LGSN: variants seen among roughly 807,000 people sequenced by gnomAD.
LGSN encodes lengsin, lens protein with glutamine synthetase domain.
LGSN carries 21 observed loss-of-function variants against 19.5 expected under a neutral mutation model. The observed-to-expected ratio is 1.07, with a 90% CI of 0.76 to 1.55. The LOEUF is 1.55. LGSN is among the 40% of genes most tolerant of loss of function. The pLI, the probability that LGSN is intolerant of heterozygous loss-of-function variation, is 0.00. For synonymous variants in LGSN, 257 were observed against 215.6 expected (o/e 1.19, Z -1.68); for missense variants, 673 against 608.5 (o/e 1.11, Z -1.12).
At chr6:63,549,283 C>T in the LGSN span, 1 of 753,312 alleles carries the variant, frequency 1.3e-6, no homozygotes. Flanking sequence ...TCAGGAGGCA[C>T]TTTCAGCCAC....
chr6:63,463,265 T>C, the LGSN span, among the ~76,000 whole-genome samples: 4 of 152,230 alleles, frequency 2.6e-5, no homozygotes, highest in Admixed American at 2.6e-4. Context: ...GTACCTGACA[T>C]GTATAAAGAA....
chr6:63,438,387 T>C, the LGSN span, among the ~76,000 whole-genome samples: 5 of 152,204 alleles, frequency 3.3e-5, no homozygotes, highest in East Asian at 1.9e-4. Flanking sequence ...TTCTGCACAG[T>C]AAAAGAAACT....
chr6:63,389,189 A>G, the LGSN span, among the ~76,000 whole-genome samples: 1 of 152,250 alleles, frequency 6.6e-6, no homozygotes, highest in African/African-American at 2.4e-5. Context: ...GCTCAGAGTC[A>G]CACAGAAAGT....
the LGSN span, among the ~76,000 whole-genome samples, chr6:63,564,903 TA>T: frequency 6.6e-6 from 1 of 152,244 alleles, no homozygotes; most frequent in South Asian, 2.1e-4. Context: ...AGTCATGAGT[TA>T]TGGATAGATT....
the LGSN span, among the ~76,000 whole-genome samples, chr6:63,427,201 C>T: frequency 6.6e-6 from 1 of 151,906 alleles, no homozygotes; most frequent in Non-Finnish European, 1.5e-5. Context: ...TGTGCCACCA[C>T]ACCTGGCTAA....
the LGSN span, among the ~76,000 whole-genome samples, chr6:63,511,241 G>T: frequency 3.1e-3 from 444 of 141,484 alleles, 3 homozygotes; most frequent in Middle Eastern, 0.011. Flanking sequence ...CAAGTAAATA[G>T]ATTTCTTTTT....
intron 1 of LGSN, among the ~76,000 whole-genome samples, chr6:63,300,182 T>TAA (rs1768128666): frequency 6.6e-6 from 1 of 152,182 alleles, no homozygotes; most frequent in Admixed American, 6.5e-5. Flanking sequence ...TGAGAGGGGT[T>TAA]GGATCCTCCA....
chr6:63,399,720 G>A, the LGSN span, among the ~76,000 whole-genome samples: 2 of 141,834 alleles, frequency 1.4e-5, no homozygotes, highest in South Asian at 2.3e-4. Context: ...TTTAGTGATG[G>A]AATCTCTCCC....
chr6:63,375,410 T>G, the LGSN span, among the ~76,000 whole-genome samples: 195 of 151,058 alleles, frequency 1.3e-3, no homozygotes, highest in African/African-American at 4.6e-3. Context: ...TATTTATATT[T>G]ATATTATTAT....
At chr6:63,495,469 T>TTTTTTTTTTTTTTTTTTTTTTTTTG in the LGSN span, among the ~76,000 whole-genome samples, 698 of 119,244 alleles carry the variant, frequency 5.9e-3, 4 homozygotes, top group Non-Finnish European at 8.0e-3. Flanking sequence ...TTTTTTTTTT[T>TTTTTTTTTTTTTTTTTTTTTTTTTG]TTTTTTTGAG....
the LGSN span, among the ~76,000 whole-genome samples, chr6:63,504,354 G>A: frequency 6.6e-6 from 1 of 151,758 alleles, no homozygotes; most frequent in Non-Finnish European, 1.5e-5. Context: ...CCATTCTCCT[G>A]CCTCAGCCTC....
the LGSN span, among the ~76,000 whole-genome samples, chr6:63,541,603 G>A: frequency 1.3e-5 from 2 of 152,050 alleles, no homozygotes; most frequent in Non-Finnish European, 2.9e-5. Flanking sequence ...CAGATTTTAG[G>A]ACTGATATTT....
chr6:63,347,917 C>A, the LGSN span, among the ~76,000 whole-genome samples: 2 of 151,932 alleles, frequency 1.3e-5, no homozygotes, highest in Non-Finnish European at 2.9e-5. Context: ...GGGAAATATT[C>A]CTAATATTAG....
At chr6:63,415,810 T>C in the LGSN span, among the ~76,000 whole-genome samples, 1 of 152,224 alleles carries the variant, frequency 6.6e-6, no homozygotes, top group Non-Finnish European at 1.5e-5. Context: ...CATTTTACTT[T>C]GCACATTTTC....
the LGSN span, among the ~76,000 whole-genome samples, chr6:63,530,589 G>A: frequency 6.6e-6 from 1 of 152,100 alleles, no homozygotes; most frequent in South Asian, 2.1e-4. Context: ...GAACATGGAG[G>A]CCCTTCTGTG....
the LGSN span, among the ~76,000 whole-genome samples, chr6:63,485,246 C>T: frequency 1.3e-5 from 2 of 152,068 alleles, no homozygotes; most frequent in Non-Finnish European, 2.9e-5. Context: ...TTCATGTCTT[C>T]CCATCATTTA....
the LGSN span, among the ~76,000 whole-genome samples, chr6:63,505,479 G>T: frequency 6.8e-6 from 1 of 147,976 alleles, no homozygotes; most frequent in African/African-American, 2.5e-5. Context: ...TCGGGAGGAT[G>T]AGGCAGGAAA....
the LGSN span, among the ~76,000 whole-genome samples, chr6:63,414,641 T>C: frequency 6.6e-6 from 1 of 152,206 alleles, no homozygotes; most frequent in Admixed American, 6.5e-5. Flanking sequence ...AAATAGAAAA[T>C]GTGCTGGGCG....
At chr6:63,511,714 G>A in the LGSN span, among the ~76,000 whole-genome samples, 1 of 152,072 alleles carries the variant, frequency 6.6e-6, no homozygotes, top group Non-Finnish European at 1.5e-5. Context: ...TTATTTTATG[G>A]TTTTGAATTG....
Sources: allele counts gnomAD v4.1 joint callset (sites outside exome capture counted in the v4.1 genomes callset), GRCh38; gene constraint gnomAD v4.1.1; transcripts MANE v1.5; gene names NCBI Gene and HGNC (gene_info 2026-07-23, HGNC 2026-07-21).